Variants in SF3B2 observed in about 807,000 individuals in gnomAD.
SF3B2 encodes the protein splicing factor 3b subunit 2.
SF3B2 carries 22 observed loss-of-function variants against 116.3 expected under a neutral mutation model. The observed-to-expected ratio is 0.19, with a 90% CI of 0.14 to 0.27. SF3B2 has a LOEUF of 0.27. Ranked by LOEUF, SF3B2 falls within the 10% of genes least tolerant of loss-of-function variation. The probability of loss-of-function intolerance (pLI) is 1.00; values close to 1 mark genes in which losing one functional copy is unlikely to be tolerated. For synonymous variants in SF3B2, 406 were observed against 421.6 expected (o/e 0.96, Z 0.45); for missense variants, 767 against 1,151.4 (o/e 0.67, Z 4.83).
chr11:66,058,846 G>A lies in SF3B2; in HGVS notation c.983G>A (p.Arg328Lys). The A allele has an allele frequency of 6.2e-7, 1 of 1,611,024 alleles. No homozygotes were observed. Among genetic ancestry groups the A allele is most frequent in the Non-Finnish European group, 8.5e-7 (1 of 1,179,346 alleles). Residue 328 changes from arginine to lysine, a missense_variant, in exon 10 of 22, where the codon AGG becomes AAG. Around this residue, in one of 4 missense-constraint regions of SF3B2, gnomAD observed 455 missense variants for 537.5 expected, o/e 0.85. Coordinates refer to ENST00000322535, the MANE Select transcript of SF3B2 (RefSeq NM_006842.3). ...VSKKEKNRKR[R>K]NRKKKKKPQR... ...TCTTGACAGAAAAACCGGAAGCGTA[G>A]GAACCGAAAGAAGAAGAAAAAGCCC...
In SF3B2 at chr11:66,057,393, TTCC is replaced by T. The variant is rs762987980; in HGVS notation, c.777+20_777+22del. 8.8e-7 allele frequency: 1 copy of T among 1,132,180 alleles called. No homozygotes were observed. The highest frequency in any genetic ancestry group is 1.2e-5 in the South Asian group (1 of 80,022). 70.1% of individuals were successfully genotyped at this position (1,132,180 alleles called of 1,614,324 possible). A position where few individuals can be genotyped will look rare whatever the true frequency, so the allele number is the denominator to read the frequency against. On this transcript the variant is annotated intron_variant, in intron 7 of 21. Coordinates refer to ENST00000322535, the MANE Select transcript of SF3B2 (RefSeq NM_006842.3). ...ACAGAGAGGTGAGACTGATGATTTA[TTCC>T]TAGGGATAAGAGAGTGGTAGTTTAG...
Position 66,063,102 on chromosome 11 carries a change from G to C in SF3B2, c.2071G>C (p.Ala691Pro). The C allele has an allele frequency of 6.2e-7, 1 of 1,613,324 alleles. No homozygotes were observed. Among genetic ancestry groups the C allele is most frequent in the Non-Finnish European group, 8.5e-7 (1 of 1,179,406 alleles). The change falls in exon 17 of 22, where the codon GCT becomes CCT. Residue 691 changes from alanine (A) to proline (P), a missense_variant. By Grantham distance (27) the Ala-to-Pro change is conservative. This residue lies in a region of SF3B2 where 282 missense variants were observed against 568.0 expected (regional missense o/e 0.50). Transcript: ENST00000322535. ...CTATGGGGACGTGTTTGGAACCAAT[G>C]CTGCTGAATTTCAGGTATGGGCCAT... Reference protein sequence around the residue: ...PLYGDVFGTNAAEFQTKTEEE... With the variant: ...PLYGDVFGTNPAEFQTKTEEE...
chr11:66,053,918 T>C (rs1856942775), intron 3 of SF3B2: 1 of 149,182 alleles, frequency 6.7e-6, no homozygotes. Context: ...GCGTGGTGGC[T>C]CATGTCTGTA....
intron 3 of SF3B2, chr11:66,053,613 A>C (rs957370610): frequency 6.3e-6 from 1 of 159,130 alleles, no homozygotes; most frequent in African/African-American, 2.4e-5. Context: ...TGGAGGCTGC[A>C]GTGAGCTCTG....
At chr11:66,052,638 G>C in intron 1 of SF3B2, 35 bp from the exon 2 acceptor site, 2 of 1,597,956 alleles carry the variant, frequency 1.3e-6, no homozygotes, top group Non-Finnish European at 1.7e-6. Context: ...TGGCCGGGCT[G>C]GCCTGCCCCA....
chr11:66,055,484 G>T (rs773077450), intron 4 of SF3B2, 51 bp from the exon 5 acceptor site: 46 of 1,608,940 alleles, frequency 2.9e-5, no homozygotes, highest in Non-Finnish European at 2.6e-6. Context: ...AGTTGTGGCA[G>T]ATTGGCGTGT....
Position 66,069,067 on chromosome 11 carries a change from T to C in SF3B2, c.*322T>C, listed in dbSNP as rs942952505. The stretch of plus-strand genomic sequence containing the variant: ...GACGCCAACCCCAGGCTGAAATCTG[T>C]GTTTCACCACTGCCCTGCTTTGTAG... On this transcript the variant is annotated 3_prime_UTR_variant, in exon 22 of 22. Transcript: ENST00000322535. 2.6e-6 allele frequency: 1 copy of C among 391,724 alleles called. No individual in the cohort carries two copies. The highest frequency in any genetic ancestry group is 4.9e-6 in the Non-Finnish European group (1 of 204,836). The allele number at this position is 391,724 out of a possible 1,614,324, so 24.3% of individuals were successfully genotyped here. A position where few individuals can be genotyped will look rare whatever the true frequency, so the allele number is the denominator to read the frequency against.
chr11:66,054,463 C>T (rs894542258), intron 3 of SF3B2, among the ~76,000 whole-genome samples: 1 of 137,930 alleles, frequency 7.3e-6, no homozygotes, highest in Non-Finnish European at 1.6e-5. Context: ...GGTGACAGAG[C>T]GAGACTCTTG....
At chr11:66,063,352 A>G (rs763214433) in intron 17 of SF3B2, 48 bp from the exon 18 acceptor site, 7 of 1,563,230 alleles carry the variant, frequency 4.5e-6, no homozygotes, top group Non-Finnish European at 4.4e-6. Context: ...CTGGCACATA[A>G]TAGGTACTTA....
intron 14 of SF3B2, 63 bp downstream of exon 14, chr11:66,060,794 T>A (rs551055328): frequency 6.5e-7 from 1 of 1,532,882 alleles, no homozygotes; most frequent in East Asian, 2.3e-5. Flanking sequence ...TAGGGCTTTT[T>A]TTTGTTTGTT....
chr11:66,055,371 G>C, intron 4 of SF3B2, 56 bp downstream of exon 4: 1 of 1,591,080 alleles, frequency 6.3e-7, no homozygotes, highest in Non-Finnish European at 8.6e-7. Flanking sequence ...AGGGGCAGTG[G>C]AGCCTTAGAG....
intron 13 of SF3B2, 78 bp from the exon 14 acceptor site, chr11:66,060,504 A>C: frequency 6.5e-7 from 1 of 1,548,566 alleles, no homozygotes; most frequent in Non-Finnish European, 8.8e-7. Flanking sequence ...CCATGATCTC[A>C]TTTGGAGTTG....
In SF3B2 at chr11:66,060,606, A is replaced by G; in HGVS notation, c.1654A>G (p.Lys552Glu). 6.2e-7 allele frequency: 1 copy of G among 1,614,220 alleles called. No individual in the cohort carries two copies. The highest frequency in any genetic ancestry group is 8.5e-7 in the Non-Finnish European group (1 of 1,180,048). ...GGAAGAACAGAAGACCATGAAGTCA[A>G]AAATGCGAGAGAAAGTTCGGCCTAA... The part of the protein sequence containing the change: ...EKEEQKTMKS[K>E]MREKVRPKMG... The change falls in exon 14 of 22, where the codon AAA becomes GAA. Residue 552 changes from lysine (K) to glutamate (E), a missense_variant. This residue lies in a region of SF3B2 where 282 missense variants were observed against 568.0 expected (regional missense o/e 0.50). Transcript: ENST00000322535.
rs755129505 is a variant in SF3B2 at position 66,059,603 on chromosome 11, C to A, written c.1401+8C>A. On this transcript the variant is annotated splice_region_variant and intron_variant, in intron 12 of 21. Coordinates refer to ENST00000322535, the MANE Select transcript of SF3B2 (RefSeq NM_006842.3). This position sits in a 1 kb window ranked among gnomAD's most constrained non-coding sequence, Gnocchi z 5.0. ...GTGGCTGAACTCAAGCAGGTAAGAC[C>A]TGAGAGGATCCTGCAGGCCCTGGAG... 1 of 1,613,772 alleles carries A rather than the reference C, an allele frequency of 6.2e-7. No individual in the cohort carries two copies. Among genetic ancestry groups the A allele is most frequent in the East Asian group, 2.2e-5 (1 of 44,854 alleles).
At chr11:66,066,300 AT>A (rs907866402) in intron 19 of SF3B2, 2 of 150,924 alleles carry the variant, frequency 1.3e-5, no homozygotes, top group Non-Finnish European at 3.0e-5. Flanking sequence ...ACGCCTGGTA[AT>A]TTTTTTTTCT....
chr11:66,068,574 C>T, intron 21 of SF3B2, 100 bp from the exon 22 acceptor site: 1 of 1,071,392 alleles, frequency 9.3e-7, no homozygotes, highest in Non-Finnish European at 1.4e-6. Context: ...CAGCGCCTTT[C>T]CCACAGACTT....
Position 66,052,395 on chromosome 11 carries a change from A to G in SF3B2, c.11A>G (p.Glu4Gly), listed in dbSNP as rs1590705637. Reference sequence around the variant, plus strand: ...CTTCCTGCGGCTAAGATGGCGACGGAGCATCCCGAGCCTCCCAAAGCAGAA... The same window carrying G: ...CTTCCTGCGGCTAAGATGGCGACGGGGCATCCCGAGCCTCCCAAAGCAGAA... MATEHPEPPKAELQ... is the reference protein window; with the variant it reads MATGHPEPPKAELQ... The change falls in exon 1 of 22, where the codon GAG becomes GGG. Residue 4 changes from glutamate to glycine, a missense_variant. Physicochemically the swap from Glu to Gly is moderately conservative, Grantham distance 98. Transcript: ENST00000322535. 1 of 1,610,932 alleles carries G rather than the reference A, an allele frequency of 6.2e-7. No homozygotes were observed. Among genetic ancestry groups the G allele is most frequent in the Non-Finnish European group, 8.5e-7 (1 of 1,179,094 alleles).
In SF3B2 at chr11:66,059,749, T is replaced by G. The variant is rs779577360; in HGVS notation, c.1402-33T>G. 2 of 1,611,382 alleles carry G rather than the reference T, an allele frequency of 1.2e-6. No homozygotes were observed. The highest frequency in any genetic ancestry group is 2.2e-5 in the East Asian group (1 of 44,840). Reference sequence around the variant, plus strand: ...AGCTTCAGAACTGAGAAGTCGGGGCTCTCGAGAACACGCATTACTATGTGT... The same window carrying G: ...AGCTTCAGAACTGAGAAGTCGGGGCGCTCGAGAACACGCATTACTATGTGT... On this transcript the variant is annotated intron_variant, in intron 12 of 21. Coordinates refer to ENST00000322535, the MANE Select transcript of SF3B2 (RefSeq NM_006842.3). The surrounding 1 kb of genome is among the most constrained non-coding windows in gnomAD (Gnocchi z 5.0).
At chr11:66,053,838 C>T (rs1433258436) in intron 3 of SF3B2, 2 of 151,816 alleles carry the variant, frequency 1.3e-5, no homozygotes, top group Non-Finnish European at 2.9e-5. Context: ...GCGCATACTG[C>T]ACATGTACCC....
Sources: allele counts gnomAD v4.1 joint callset (sites outside exome capture counted in the v4.1 genomes callset), GRCh38; gene constraint gnomAD v4.1.1; regional missense constraint gnomAD v4.1.1; non-coding constraint Gnocchi (gnomAD v3.1); transcripts MANE v1.5; gene names NCBI Gene and HGNC (gene_info 2026-07-23, HGNC 2026-07-21).